The following SPIDR variants were observed in gnomAD, a reference collection of about 807,000 sequenced individuals.
SPIDR encodes DNA repair-scaffolding protein.
SPIDR carries 93 observed loss-of-function variants against 104.6 expected under a neutral mutation model. The ratio of observed to expected loss-of-function variants is 0.89; its 90% CI spans 0.75 to 1.06. The LOEUF (loss-of-function observed/expected upper bound fraction) is 1.06, where lower values mean the gene tolerates loss of function less well. SPIDR is among the 50% of genes least tolerant of loss of function. The probability of loss-of-function intolerance (pLI) is 0.00; values close to 1 mark genes in which losing one functional copy is unlikely to be tolerated. For missense variants in SPIDR, 1,154 were observed against 1,111.2 expected, an observed-to-expected ratio of 1.04 and a Z score of -0.55; for synonymous variants, 431 against 416.9, an observed-to-expected ratio of 1.03 and a Z score of -0.41.
At chr8:47,553,650 C>CT (rs2154398315) in intron 8 of SPIDR, among the ~76,000 whole-genome samples, 1 of 152,258 alleles carries the variant, frequency 6.6e-6, no homozygotes, top group South Asian at 2.1e-4. Context: ...TTCGTCTAAT[C>CT]TTTTTTCAAG....
intron 8 of SPIDR, among the ~76,000 whole-genome samples, chr8:47,519,810 ATATGT>A (rs1384470133): frequency 1.3e-4 from 20 of 152,216 alleles, no homozygotes; most frequent in Admixed American, 1.3e-3. Flanking sequence ...TACTTTGATT[ATATGT>A]TATAACAAGT....
intron 8 of SPIDR, among the ~76,000 whole-genome samples, chr8:47,586,792 G>T (rs2060296051): frequency 1.3e-5 from 2 of 152,000 alleles, no homozygotes; most frequent in African/African-American, 4.8e-5. Context: ...TTTTTGAGAG[G>T]GAGTCTCGCT....
chr8:47,280,097 T>C, intron 2 of SPIDR, 80 bp downstream of exon 2: 3 of 1,380,070 alleles, frequency 2.2e-6, no homozygotes, highest in Non-Finnish European at 3.0e-6. Flanking sequence ...TTACATTTCA[T>C]TGTAATTCCC....
At chr8:47,355,941 T>C (rs531894753) in intron 5 of SPIDR, among the ~76,000 whole-genome samples, 1 of 152,308 alleles carries the variant, frequency 6.6e-6, no homozygotes, top group East Asian at 1.9e-4. Context: ...GGGTATCACA[T>C]CACAATAGTG....
chr8:47,505,182 T>C (rs1586828736), intron 8 of SPIDR, among the ~76,000 whole-genome samples: 1 of 152,330 alleles, frequency 6.6e-6, no homozygotes, highest in South Asian at 2.1e-4. Flanking sequence ...CATTTCAGTC[T>C]GCAAAGGATT....
chr8:47,280,081 T>C (rs1347017951), intron 2 of SPIDR, 64 bp downstream of exon 2: 5 of 1,499,292 alleles, frequency 3.3e-6, no homozygotes, highest in Non-Finnish European at 4.6e-6. Context: ...GTTCAGAACA[T>C]TGTAATTACA....
At chr8:47,444,355 C>T (rs546586411) in intron 8 of SPIDR, among the ~76,000 whole-genome samples, 1 of 152,328 alleles carries the variant, frequency 6.6e-6, no homozygotes, top group East Asian at 1.9e-4. Flanking sequence ...TATCCAGAGA[C>T]AACCAGGACA....
chr8:47,530,487 A>C (rs1020746671), intron 8 of SPIDR, among the ~76,000 whole-genome samples: 1 of 151,550 alleles, frequency 6.6e-6, no homozygotes, highest in African/African-American at 2.4e-5. Context: ...GTCAGAAAAA[A>C]AAAATATCTA....
intron 5 of SPIDR, among the ~76,000 whole-genome samples, chr8:47,317,924 A>G (rs2045729340): frequency 6.6e-6 from 1 of 152,038 alleles, no homozygotes; most frequent in Non-Finnish European, 1.5e-5. Context: ...AAGGATATCC[A>G]CTCCAAAACC....
At chr8:47,702,650 CCCTTA>C (rs2080474073) in intron 14 of SPIDR, among the ~76,000 whole-genome samples, 1 of 152,166 alleles carries the variant, frequency 6.6e-6, no homozygotes, top group Non-Finnish European at 1.5e-5. Context: ...CCTCTGCCAG[CCCTTA>C]CCTTATGGAG....
intron 5 of SPIDR, among the ~76,000 whole-genome samples, chr8:47,296,951 C>T (rs1005205268): frequency 1.3e-5 from 2 of 152,116 alleles, no homozygotes; most frequent in Non-Finnish European, 2.9e-5. Flanking sequence ...ACATCTATTG[C>T]CTCCTTAAAT....
chr8:47,576,659 C>T (rs556505801), intron 8 of SPIDR, among the ~76,000 whole-genome samples: 5 of 152,128 alleles, frequency 3.3e-5, no homozygotes, highest in Non-Finnish European at 5.9e-5. Flanking sequence ...GTCTCAAACT[C>T]CTGACCTCAG....
chr8:47,278,797 A>T (rs1453656662), intron 1 of SPIDR, among the ~76,000 whole-genome samples: 2 of 152,162 alleles, frequency 1.3e-5, no homozygotes, highest in East Asian at 3.9e-4. Context: ...AATAATAATT[A>T]TACGGCATTT....
chr8:47,352,388 A>C (rs564810888), intron 5 of SPIDR, among the ~76,000 whole-genome samples: 1 of 152,160 alleles, frequency 6.6e-6, no homozygotes, highest in African/African-American at 2.4e-5. Context: ...TTATATGTCT[A>C]TGTGTCTTAG....
chr8:47,647,614 G>A (rs934677107), intron 10 of SPIDR, among the ~76,000 whole-genome samples: 2 of 120,696 alleles, frequency 1.7e-5, no homozygotes, highest in African/African-American at 6.5e-5. Flanking sequence ...ACTCCATCTC[G>A]AAAGAGAGAG....
intron 8 of SPIDR, among the ~76,000 whole-genome samples, chr8:47,557,449 A>G (rs1484283497): frequency 6.6e-6 from 1 of 152,230 alleles, no homozygotes; most frequent in Non-Finnish European, 1.5e-5. Context: ...TCATATGGCA[A>G]AGTCTTTCAT....
intron 5 of SPIDR, among the ~76,000 whole-genome samples, chr8:47,352,564 A>T (rs2053737947): frequency 6.6e-6 from 1 of 152,094 alleles, no homozygotes; most frequent in Admixed American, 6.5e-5. Flanking sequence ...AGACTGCTAA[A>T]TGTTTGTGGT....
intron 5 of SPIDR, among the ~76,000 whole-genome samples, chr8:47,375,305 A>G (rs1249778021): frequency 1.6e-5 from 2 of 123,466 alleles, no homozygotes; most frequent in Non-Finnish European, 3.1e-5. Context: ...GCAGTGGTTC[A>G]ATCGTGGCTC....
At chr8:47,548,390 G>A (rs2089836116) in intron 8 of SPIDR, among the ~76,000 whole-genome samples, 2 of 152,254 alleles carry the variant, frequency 1.3e-5, no homozygotes, top group African/African-American at 4.8e-5. Context: ...GCTCACGCCT[G>A]TAATCCCATC....
Sources: gnomAD v4.1 joint callset for allele counts (sites outside exome capture counted in the v4.1 genomes callset) on GRCh38, gnomAD v4.1.1 for gene constraint, MANE v1.5 for transcripts, NCBI Gene and HGNC (gene_info 2026-07-23, HGNC 2026-07-21) for gene names.